The following KCNIP3 variants were observed in gnomAD, a reference collection of about 807,000 sequenced individuals.
KCNIP3 encodes calsenilin.
Under a neutral mutation model 35.0 loss-of-function variants are expected in KCNIP3, and 28 were observed. The ratio of observed to expected loss-of-function variants is 0.80; its 90% confidence interval spans 0.59 to 1.10. KCNIP3 has a LOEUF of 1.10. KCNIP3 is among the 50% of genes least tolerant of loss of function. The pLI, the probability that KCNIP3 is intolerant of heterozygous loss-of-function variation, is 0.00. For missense variants in KCNIP3, 295 were observed against 338.4 expected, an observed-to-expected ratio of 0.87 and a Z score of 1.01; for synonymous variants, 134 against 133.8, an observed-to-expected ratio of 1.00 and a Z score of -0.01.
intron 2 of KCNIP3, among the ~76,000 whole-genome samples, chr2:95,321,548 C>G (rs998279608): frequency 6.6e-6 from 1 of 152,228 alleles, no homozygotes; most frequent in African/African-American, 2.4e-5. Context: ...CAGCGTCATT[C>G]TGACGCACTA....
At chr2:95,381,303 C>T (rs1441977273) in intron 5 of KCNIP3, among the ~76,000 whole-genome samples, 2 of 151,788 alleles carry the variant, frequency 1.3e-5, no homozygotes, top group Non-Finnish European at 2.9e-5. Flanking sequence ...AGGTGCACAC[C>T]CTCACAGGTT....
Position 95,376,966 on chromosome 2 carries a change from C to T in KCNIP3, c.447+1758C>T, listed in dbSNP as rs1346353153. 6.6e-6 allele frequency among the ~76,000 whole-genome samples: 1 copy of T among 152,182 alleles called. No individual in the cohort carries two copies. Among genetic ancestry groups the T allele is most frequent in the Non-Finnish European group, 1.5e-5 (1 of 68,026 alleles). On this transcript the variant is annotated intron_variant, in intron 5 of 8. Transcript: ENST00000295225. This position sits in a 1 kb window ranked among gnomAD's most constrained non-coding sequence, Gnocchi z 4.2. Reference sequence around the variant, plus strand: ...TGATATGGTAAAAGGTAATACCCTCCCTCCGCTCACCAAAAAGAATAACCA... The same window carrying T: ...TGATATGGTAAAAGGTAATACCCTCTCTCCGCTCACCAAAAAGAATAACCA...
Position 95,383,264 on chromosome 2 carries a change from C to T in KCNIP3, c.693C>T (p.Thr231=). 1 of 1,613,908 alleles carries T rather than the reference C, an allele frequency of 6.2e-7. No individual in the cohort carries two copies. The highest frequency in any genetic ancestry group is 8.5e-7 in the Non-Finnish European group (1 of 1,179,908). The change falls in exon 8 of 9, where the codon ACC becomes ACT. Residue 231 remains threonine (T), a synonymous_variant. Transcript: ENST00000295225. ...ACCGGAACCAGGATGGGGTAGTGAC[C>T]ATTGAAGAGTTCCTGGAGGCCTGTC... ...KMDRNQDGVV[T]IEEFLEACQK... is the part of the protein sequence containing the mutation.
chr2:95,363,517 C>G (rs1326611817), intron 2 of KCNIP3, among the ~76,000 whole-genome samples: 1 of 152,068 alleles, frequency 6.6e-6, no homozygotes. Context: ...GTACTAGTGT[C>G]TGAGAGAAAC....
rs1680116839 is a variant in KCNIP3, at chr2:95,374,321, G to A, written c.207G>A (p.Leu69=). The part of the protein sequence containing the change: ...GSDSSDSELE[L]STVRHQPEGL... ...ATAGCAGCGACAGTGAGCTGGAGCTGTCCACGGTGCGCCACCAGCCAGAGG... is the reference window on the plus strand; with the variant it reads ...ATAGCAGCGACAGTGAGCTGGAGCTATCCACGGTGCGCCACCAGCCAGAGG... The change falls in exon 3 of 9, where the codon CTG becomes CTA. Residue 69 remains leucine (L), a synonymous_variant. Transcript: ENST00000295225. 3.1e-6 allele frequency: 5 copies of A among 1,614,122 alleles called. No individual in the cohort carries two copies. The highest frequency in any genetic ancestry group is 2.5e-6 in the Non-Finnish European group (3 of 1,179,978).
rs200203073 is a variant in KCNIP3, at chr2:95,363,612, C to CA, written c.182-10674dup. 1.5e-3 allele frequency among the ~76,000 whole-genome samples: 221 copies of CA among 148,034 alleles called. 2 individuals carry two copies. The highest frequency in any genetic ancestry group is 3.8e-3 in the African/African-American group (155 of 40,504). The stretch of plus-strand genomic sequence containing the variant: ...TTCAGTGTGTGTTTATCAAGCTTTC[C>CA]AAAAAAAAAATCCAACTGAATTTTT... On this transcript the variant is annotated intron_variant, in intron 2 of 8. Coordinates refer to ENST00000295225, the MANE Select transcript of KCNIP3 (RefSeq NM_013434.5).
chr2:95,326,070 CAT>C (rs1260403924), intron 2 of KCNIP3, among the ~76,000 whole-genome samples: 3 of 145,572 alleles, frequency 2.1e-5, no homozygotes, highest in Admixed American at 6.9e-5. Flanking sequence ...CACATTCACT[CAT>C]ACTAACACAC....
At chr2:95,317,106 A>G (rs963062500) in intron 2 of KCNIP3, among the ~76,000 whole-genome samples, 5 of 152,168 alleles carry the variant, frequency 3.3e-5, no homozygotes, top group African/African-American at 1.2e-4. Flanking sequence ...AGAGGTCAAG[A>G]GACAGCCTAA....
chr2:95,348,067 G>A (rs971886351), intron 2 of KCNIP3, among the ~76,000 whole-genome samples: 9 of 152,248 alleles, frequency 5.9e-5, no homozygotes, highest in African/African-American at 1.9e-4. Context: ...TACCTTCGAT[G>A]TCCAGGGCTG....
chr2:95,317,108 A>AGGT (rs1678476457), intron 2 of KCNIP3, among the ~76,000 whole-genome samples: 1 of 152,120 alleles, frequency 6.6e-6, no homozygotes, highest in Non-Finnish European at 1.5e-5. Context: ...AGGTCAAGAG[A>AGGT]CAGCCTAAGG....
At chr2:95,354,680 A>G (rs1679611108) in intron 2 of KCNIP3, among the ~76,000 whole-genome samples, 1 of 152,212 alleles carries the variant, frequency 6.6e-6, no homozygotes, top group South Asian at 2.1e-4. Flanking sequence ...GGGGACTACC[A>G]GGGGCCTGGT....
At chr2:95,316,803 T>C (rs565897279) in intron 2 of KCNIP3, among the ~76,000 whole-genome samples, 1 of 152,132 alleles carries the variant, frequency 6.6e-6, no homozygotes, top group African/African-American at 2.4e-5. Context: ...CTGGTGAAAC[T>C]CAGGAAGAAT....
Position 95,375,190 on chromosome 2 carries a change from C to T in KCNIP3, c.429C>T (p.Asn143=), listed in dbSNP as rs376244075. 58 of 1,614,174 alleles carry T rather than the reference C, an allele frequency of 3.6e-5. No homozygotes were observed. Among genetic ancestry groups the T allele is most frequent in the Admixed American group, 6.7e-5 (4 of 60,030 alleles). Residue 143 remains asparagine (N), a synonymous_variant, in exon 5 of 9, where the codon AAC becomes AAT. Transcript: ENST00000295225. ...TCAACGCCTTTGATGCGGACGGGAA[C>T]GGGGCCATCCACTTTGAGGTAGGTC... ...FLFNAFDADG[N]GAIHFEDFVV...
intron 2 of KCNIP3, among the ~76,000 whole-genome samples, chr2:95,328,220 C>G (rs1395081700): frequency 6.6e-6 from 1 of 152,166 alleles, no homozygotes; most frequent in African/African-American, 2.4e-5. Flanking sequence ...ACACTCTCCC[C>G]CCTCCCCCGG....
Position 95,383,259 on chromosome 2 carries a change from G to C in KCNIP3, c.688G>C (p.Val230Leu). 2 of 1,613,936 alleles carry C rather than the reference G, an allele frequency of 1.2e-6. No individual in the cohort carries two copies. Among genetic ancestry groups the C allele is most frequent in the Non-Finnish European group, 1.7e-6 (2 of 1,179,916 alleles). Reference protein sequence around the residue: ...EKMDRNQDGVVTIEEFLEACQ... With the variant: ...EKMDRNQDGVLTIEEFLEACQ... ...AATGGACCGGAACCAGGATGGGGTA[G>C]TGACCATTGAAGAGTTCCTGGAGGC... Residue 230 changes from valine (V) to leucine (L), a missense_variant, in exon 8 of 9, where the codon GTG (valine) becomes CTG (leucine). By Grantham distance (32) the Val-to-Leu change is conservative. Transcript: ENST00000295225.
intron 7 of KCNIP3, 120 bp from the exon 8 acceptor site, chr2:95,383,112 C>G: frequency 2.2e-6 from 1 of 463,412 alleles, no homozygotes. Context: ...GTGGAGGGAG[C>G]CCACCCGCCC....
chr2:95,367,651 T>TA (rs1312806052), intron 2 of KCNIP3, among the ~76,000 whole-genome samples: 1 of 152,248 alleles, frequency 6.6e-6, no homozygotes, highest in African/African-American at 2.4e-5. Context: ...ATGGTATTGT[T>TA]TTTTAAGTTC....
chr2:95,340,042 A>T (rs1215351361), intron 2 of KCNIP3, among the ~76,000 whole-genome samples: 1 of 152,162 alleles, frequency 6.6e-6, no homozygotes, highest in Non-Finnish European at 1.5e-5. Context: ...TACCGTCTTA[A>T]AAACTCCGTC....
intron 2 of KCNIP3, among the ~76,000 whole-genome samples, chr2:95,360,765 CAG>C (rs376282994): frequency 5.8e-4 from 86 of 149,070 alleles, no homozygotes; most frequent in Non-Finnish European, 5.2e-4. Flanking sequence ...GAGCGAGAGA[CAG>C]AGAGAGAGAG....
Sources: gnomAD v4.1 joint callset for allele counts (sites outside exome capture counted in the v4.1 genomes callset) on GRCh38, gnomAD v4.1.1 for gene constraint, Gnocchi (gnomAD v3.1) non-coding constraint, MANE v1.5 for transcripts, NCBI Gene and HGNC (gene_info 2026-07-23, HGNC 2026-07-21) for gene names.